Variants in SCUBE2 observed in about 807,000 individuals in gnomAD.
SCUBE2 encodes the protein signal peptide, CUB domain and EGF like domain containing 2.
Under a neutral mutation model 125.9 loss-of-function variants are expected in SCUBE2, and 114 were observed. That is an observed-to-expected ratio of 0.91 (90% CI 0.78 to 1.06). The LOEUF is 1.06. Among genes scored for constraint, SCUBE2 ranks in the 50% least tolerant of loss-of-function variants. The pLI, the probability that SCUBE2 is intolerant of heterozygous loss-of-function variation, is 0.00. For missense variants in SCUBE2, 1,255 were observed against 1,301.8 expected (o/e 0.96, Z 0.55); for synonymous variants, 459 against 492.9 (o/e 0.93, Z 0.91).
At chr11:9,030,321 T>C (rs1475012752) in intron 18 of SCUBE2, 2 of 494,256 alleles carry the variant, frequency 4.0e-6, no homozygotes, top group Admixed American at 3.3e-5. Context: ...AACTCCAGTC[T>C]TCATGCAGAG....
At chr11:9,048,154 A>T in intron 14 of SCUBE2, 56 bp from the exon 15 acceptor site, 1 of 1,545,740 alleles carries the variant, frequency 6.5e-7, no homozygotes, top group Admixed American at 1.9e-5. Context: ...ACTCAGCTGA[A>T]CATTTGCTAG....
chr11:9,082,943 T>C (rs1200459009), intron 2 of SCUBE2, among the ~76,000 whole-genome samples: 1 of 148,846 alleles, frequency 6.7e-6, no homozygotes, highest in Non-Finnish European at 1.5e-5. Flanking sequence ...ACAATTAAAA[T>C]TGGTGAATAT....
rs1861451883 is a variant in SCUBE2, at chr11:9,079,397, A to G, written c.369T>C (p.Gly123=). 3 of 1,614,050 alleles carry G rather than the reference A, an allele frequency of 1.9e-6. No individual in the cohort carries two copies. The highest frequency in any genetic ancestry group is 2.2e-5 in the East Asian group (1 of 44,862). Residue 123 remains glycine (G), a synonymous_variant, in exon 3 of 23, where the codon GGT becomes GGC. Transcript: ENST00000649792. ...CFDGFMLAHD[G]HNCLDVDECL... ...TGCCTTCCTTACCAAGACAATTATG[A>G]CCGTCATGAGCCAACATGAAGCCAT...
intron 2 of SCUBE2, among the ~76,000 whole-genome samples, chr11:9,088,455 C>T (rs892598150): frequency 2.6e-5 from 4 of 152,236 alleles, no homozygotes; most frequent in African/African-American, 4.8e-5. Context: ...GAGCTGAGAT[C>T]GCGCCATTGC....
At chr11:9,025,113 G>A (rs1421445233) in intron 21 of SCUBE2, among the ~76,000 whole-genome samples, 3 of 152,128 alleles carry the variant, frequency 2.0e-5, no homozygotes, top group Non-Finnish European at 2.9e-5. Context: ...GAGCCCCAGG[G>A]CTCAGATGGG....
Position 9,059,432 on chromosome 11 carries a change from C to T in SCUBE2, c.968-7G>A, listed in dbSNP as rs749395517. 6.2e-7 allele frequency: 1 copy of T among 1,613,630 alleles called. No individual in the cohort carries two copies. The highest frequency in any genetic ancestry group is 1.1e-5 in the South Asian group (1 of 90,990). ...GTCTGGCACTCATCAATATCTGCAA[C>T]AGGAAAGCATTGGGCATATCAGAGA... is the stretch of plus-strand genomic sequence containing the variant. On this transcript the variant is annotated splice_polypyrimidine_tract_variant and splice_region_variant and intron_variant, in intron 8 of 22. Coordinates refer to ENST00000649792, the MANE Select transcript of SCUBE2 (RefSeq NM_001367977.2).
intron 9 of SCUBE2, 93 bp downstream of exon 9, chr11:9,059,210 C>G (rs1000005310): frequency 1.6e-5 from 23 of 1,461,132 alleles, no homozygotes; most frequent in Non-Finnish European, 7.4e-6. Context: ...TGTCAAGAAG[C>G]CTGATAAGCC....
chr11:9,081,966 C>T (rs1316946263), intron 2 of SCUBE2, among the ~76,000 whole-genome samples: 1 of 152,194 alleles, frequency 6.6e-6, no homozygotes, highest in Non-Finnish European at 1.5e-5. Flanking sequence ...CACAAAGCTT[C>T]CAATTTTTCC....
chr11:9,079,308 T>G, intron 3 of SCUBE2, 76 bp downstream of exon 3: 11 of 1,570,294 alleles, frequency 7.0e-6, no homozygotes, highest in Non-Finnish European at 9.6e-6. Context: ...TTTGTCTTCA[T>G]GAGGAGGTCT....
intron 13 of SCUBE2, among the ~76,000 whole-genome samples, chr11:9,052,098 G>A (rs1858473593): frequency 6.6e-6 from 1 of 152,202 alleles, no homozygotes; most frequent in African/African-American, 2.4e-5. Context: ...GAGGGTTGTA[G>A]TATGGCTTAA....
At chr11:9,027,624 G>A in intron 19 of SCUBE2, 63 bp from the exon 20 acceptor site, 10 of 1,450,440 alleles carry the variant, frequency 6.9e-6, no homozygotes, top group Non-Finnish European at 9.5e-6. Context: ...ACCACCGCTA[G>A]CTTGCCGAGC....
intron 16 of SCUBE2, among the ~76,000 whole-genome samples, chr11:9,041,088 C>T (rs1194081725): frequency 2.0e-5 from 3 of 152,222 alleles, no homozygotes; most frequent in Non-Finnish European, 4.4e-5. Context: ...CAATAATGAA[C>T]TTCGCCCAAT....
intron 2 of SCUBE2, 79 bp from the exon 3 acceptor site, chr11:9,079,588 C>A: frequency 2.1e-6 from 3 of 1,440,406 alleles, no homozygotes; most frequent in Non-Finnish European, 2.8e-6. Context: ...TCCAGCCATT[C>A]CACTTCTAGG....
At chr11:9,061,916 A>G (rs1472124000) in intron 7 of SCUBE2, among the ~76,000 whole-genome samples, 1 of 152,236 alleles carries the variant, frequency 6.6e-6, no homozygotes, top group Admixed American at 6.5e-5. Flanking sequence ...AAGTTATTCT[A>G]GAGGCAGAAA....
intron 2 of SCUBE2, among the ~76,000 whole-genome samples, chr11:9,082,237 C>A (rs1217046839): frequency 6.6e-6 from 1 of 152,114 alleles, no homozygotes; most frequent in Non-Finnish European, 1.5e-5. Flanking sequence ...GGATATTAAT[C>A]CCTTATAAGA....
At chr11:9,090,538 T>G (rs1862596236) in intron 1 of SCUBE2, among the ~76,000 whole-genome samples, 1 of 151,998 alleles carries the variant, frequency 6.6e-6, no homozygotes. Context: ...ATATTTTATG[T>G]GTGGCCCAAT....
At chr11:9,086,530 G>A (rs968544237) in intron 2 of SCUBE2, among the ~76,000 whole-genome samples, 1 of 152,070 alleles carries the variant, frequency 6.6e-6, no homozygotes, top group Non-Finnish European at 1.5e-5. Context: ...TTCCATTTCT[G>A]TACTCCTATA....
chr11:9,079,629 G>A (rs1861473848), intron 2 of SCUBE2, 120 bp from the exon 3 acceptor site: 18 of 1,028,736 alleles, frequency 1.7e-5, no homozygotes, highest in Non-Finnish European at 2.5e-5. Context: ...CCTAACAATA[G>A]GAAAACAAAT....
chr11:9,087,396 A>G (rs934583225), intron 2 of SCUBE2, among the ~76,000 whole-genome samples: 10 of 152,218 alleles, frequency 6.6e-5, no homozygotes, highest in African/African-American at 2.4e-4. Context: ...GGGTACCAAC[A>G]TGTGTGAATT....
Sources: allele counts gnomAD v4.1 joint callset (sites outside exome capture counted in the v4.1 genomes callset), GRCh38; gene constraint gnomAD v4.1.1; transcripts MANE v1.5; gene names NCBI Gene and HGNC (gene_info 2026-07-23, HGNC 2026-07-21).